The following MYO5C variants were observed in gnomAD, a reference collection of about 807,000 sequenced individuals.
MYO5C encodes myosin VC, also known as unconventional myosin-Vc.
Under a neutral mutation model 235.7 loss-of-function variants are expected in MYO5C, and 194 were observed. The ratio of observed to expected loss-of-function variants is 0.82; its 90% confidence interval spans 0.73 to 0.93. The LOEUF (loss-of-function observed/expected upper bound fraction) is 0.93, where lower values mean the gene tolerates loss of function less well. MYO5C is among the 40% of genes least tolerant of loss of function. MYO5C has a pLI of 0.00. For missense variants in MYO5C, 2,038 were observed against 2,127.2 expected (o/e 0.96, Z 0.82); for synonymous variants, 707 against 754.8 (o/e 0.94, Z 1.04).
At chr15:52,277,202 T>C (rs2037070523) in intron 4 of MYO5C, 1 of 531,136 alleles carries the variant, frequency 1.9e-6, no homozygotes, top group Non-Finnish European at 3.9e-6. Flanking sequence ...ACTACCTGTC[T>C]AGCATCAAAC....
intron 32 of MYO5C, among the ~76,000 whole-genome samples, chr15:52,217,360 G>A (rs1288664928): frequency 1.3e-5 from 2 of 152,208 alleles, no homozygotes; most frequent in African/African-American, 2.4e-5. Flanking sequence ...CACCAGGAAC[G>A]AACTCATAAA....
At chr15:52,230,073 AG>A (rs1162177164) in intron 24 of MYO5C, among the ~76,000 whole-genome samples, 9 of 152,242 alleles carry the variant, frequency 5.9e-5, no homozygotes, top group Non-Finnish European at 1.5e-5. Flanking sequence ...TGCTATGTCC[AG>A]GGGTCTAGCC....
intron 12 of MYO5C, 142 bp downstream of exon 12, chr15:52,253,175 G>C: frequency 1.1e-6 from 1 of 873,010 alleles, no homozygotes; most frequent in Middle Eastern, 3.6e-4. Flanking sequence ...CCCTGCTGTG[G>C]ATGCTGTCCC....
Position 52,246,013 on chromosome 15 carries a change from AGCT to A in MYO5C, c.2006_2008del (p.Gln669del). On this transcript the variant is annotated inframe_deletion, in exon 17 of 41. Transcript: ENST00000261839. ...CGTTTCTAAAACGCCGCAGGCTCGC[AGCT>A]GCTGAACAATTCTTTTGGAGTCAAA... 1.9e-6 allele frequency: 3 copies of A among 1,614,220 alleles called. No individual in the cohort carries two copies. The highest frequency in any genetic ancestry group is 2.5e-6 in the Non-Finnish European group (3 of 1,180,030).
rs1566960514 is a variant in MYO5C, at chr15:52,204,936, G to A, written c.4749C>T (p.Ile1583=). ...RQAVKQLFFL[I]GAVTLNSLFL... Reference sequence around the variant, plus strand: ...AGAGGCTGTTCAGCGTGACCGCCCCGATCAAGAAGAAGAGCTGCTTCACCG... The same window carrying A: ...AGAGGCTGTTCAGCGTGACCGCCCCAATCAAGAAGAAGAGCTGCTTCACCG... Residue 1583 remains isoleucine, a synonymous_variant, in exon 38 of 41, where the codon ATC becomes ATT. Transcript: ENST00000261839. 1 of 1,614,234 alleles carries A rather than the reference G, an allele frequency of 6.2e-7. No homozygotes were observed. The highest frequency in any genetic ancestry group is 8.5e-7 in the Non-Finnish European group (1 of 1,180,034).
chr15:52,237,576 T>C lies in MYO5C; in HGVS notation c.2774A>G (p.Lys925Arg), dbSNP rs1338802933. Residue 925 changes from lysine (K) to arginine (R), a missense_variant, in exon 22 of 41, where the codon AAG becomes AGG. Coordinates refer to ENST00000261839, the MANE Select transcript of MYO5C (RefSeq NM_018728.4). ...LAALRAGDVE[K>R]IQKLEAELEK... The stretch of plus-strand genomic sequence containing the variant: ...TAGTTCTGCTTCCAGCTTCTGAATC[T>C]TTTCCACATCCCCAGCTCGAAGAGC... 1 of 1,614,040 alleles carries C rather than the reference T, an allele frequency of 6.2e-7. No homozygotes were observed. Among genetic ancestry groups the C allele is most frequent in the Non-Finnish European group, 8.5e-7 (1 of 1,180,050 alleles).
At chr15:52,215,209 A>T (rs1397978201) in intron 32 of MYO5C, among the ~76,000 whole-genome samples, 4 of 152,228 alleles carry the variant, frequency 2.6e-5, no homozygotes, top group Non-Finnish European at 5.9e-5. Flanking sequence ...TAAAAATATG[A>T]ATGTGGGAAA....
At position 52,193,117 on chromosome 15, in the gene MYO5C, C is replaced by T. The variant is rs867328232; in HGVS notation, c.*785G>A. ...GATCACGAGGTCAAGAGATCGAGGC[C>T]ATCCTGGCCAACATGGTGAAACCTG... On this transcript the variant is annotated 3_prime_UTR_variant, in exon 41 of 41. Transcript: ENST00000261839. 6.6e-6 allele frequency: 1 copy of T among 152,070 alleles called. No individual in the cohort carries two copies. The highest frequency in any genetic ancestry group is 1.5e-5 in the Non-Finnish European group (1 of 68,060). The allele number at this position is 152,070 out of a possible 1,614,324, so 9.4% of individuals were successfully genotyped here.
chr15:52,237,718 C>G (rs2036121552), intron 21 of MYO5C, 72 bp from the exon 22 acceptor site: 2 of 1,457,486 alleles, frequency 1.4e-6, no homozygotes, highest in South Asian at 1.3e-5. Context: ...ATTCTCATAG[C>G]CTTTGACACA....
At chr15:52,237,447 A>T in intron 22 of MYO5C, 35 bp downstream of exon 22, 1 of 1,602,340 alleles carries the variant, frequency 6.2e-7, no homozygotes, top group Non-Finnish European at 8.5e-7. Flanking sequence ...GAGAGTCCGC[A>T]TATTTCCATC....
chr15:52,233,297 A>ATT (rs1435007230), intron 23 of MYO5C, among the ~76,000 whole-genome samples: 121 of 12,090 alleles, frequency 0.01, 29 homozygotes, highest in East Asian at 0.05. Context: ...AAAAAAAAAA[A>ATT]TTAAAAAAAA....
intron 25 of MYO5C, among the ~76,000 whole-genome samples, chr15:52,228,166 C>T (rs2035870276): frequency 6.7e-6 from 1 of 149,618 alleles, no homozygotes; most frequent in Admixed American, 6.6e-5. Context: ...TTTTTTGAGA[C>T]GGAGTCTCGG....
intron 7 of MYO5C, 145 bp downstream of exon 7, chr15:52,271,618 T>A (rs1318715173): frequency 2.2e-6 from 1 of 455,826 alleles, no homozygotes; most frequent in Non-Finnish European, 3.9e-6. Flanking sequence ...CTTAATTAGA[T>A]GCACCAATTC....
At chr15:52,271,498 G>A (rs1341781478) in intron 7 of MYO5C, among the ~76,000 whole-genome samples, 1 of 152,000 alleles carries the variant, frequency 6.6e-6, no homozygotes, top group Non-Finnish European at 1.5e-5. Context: ...CAAAGTGCTG[G>A]GATTACAGGT....
chr15:52,286,334 G>T (rs1396855873), intron 1 of MYO5C, among the ~76,000 whole-genome samples: 2 of 144,572 alleles, frequency 1.4e-5, no homozygotes, highest in Non-Finnish European at 3.0e-5. Context: ...TCAGCCCCCC[G>T]CCCGGCCAGC....
At chr15:52,254,907 G>A (rs2036549208) in intron 11 of MYO5C, among the ~76,000 whole-genome samples, 1 of 151,472 alleles carries the variant, frequency 6.6e-6, no homozygotes, top group Non-Finnish European at 1.5e-5. Flanking sequence ...AACCTCAGCT[G>A]TAGTTATTAA....
chr15:52,245,434 C>T lies in MYO5C; in HGVS notation c.2098G>A (p.Gly700Ser), dbSNP rs747719471. 2.9e-5 allele frequency: 47 copies of T among 1,613,934 alleles called. No homozygotes were observed. Among genetic ancestry groups the T allele is most frequent in the East Asian group, 4.5e-5 (2 of 44,894 alleles). ...AGCTCTTGCTTGGTCATGAGAATGC[C>T]GTAGCGACTGTAGAACTCGATGTAT... ...WTYIEFYSRY[G>S]ILMTKQELSF... is the part of the protein sequence containing the mutation. Residue 700 changes from glycine (G) to serine (S), a missense_variant, in exon 18 of 41, where the codon GGC (glycine) becomes AGC (serine). By Grantham distance (56) the Gly-to-Ser change is moderately conservative. Transcript: ENST00000261839.
rs1174282032 is a variant in MYO5C, at chr15:52,233,015, C to T, written c.2963-330G>A. ...TAAATAGAGGCCGGGCGCGGTGGCT[C>T]ACGCCTGTAATCCCAGCACTTTGGG... On this transcript the variant is annotated intron_variant, in intron 23 of 40. Coordinates refer to ENST00000261839, the MANE Select transcript of MYO5C (RefSeq NM_018728.4). Among the ~76,000 whole-genome samples, 2 of 13,692 alleles carry T rather than the reference C, an allele frequency of 1.5e-4. 1 individual carries two copies. Among genetic ancestry groups the T allele is most frequent in the African/African-American group, 2.1e-4 (2 of 9,574 alleles). The allele number at this position is 13,692 out of a possible 152,430, so 9.0% of individuals were successfully genotyped here. A position where few individuals can be genotyped will look rare whatever the true frequency, so the allele number is the denominator to read the frequency against.
chr15:52,224,023 C>A (rs1596157779), intron 28 of MYO5C, among the ~76,000 whole-genome samples: 1 of 152,312 alleles, frequency 6.6e-6, no homozygotes, highest in East Asian at 1.9e-4. Context: ...TGGCTCACAC[C>A]TGTAATCCCA....
Sources: gnomAD v4.1 joint callset for allele counts (sites outside exome capture counted in the v4.1 genomes callset) on GRCh38, gnomAD v4.1.1 for gene constraint, MANE v1.5 for transcripts, NCBI Gene and HGNC (gene_info 2026-07-23, HGNC 2026-07-21) for gene names.